Variants in ROBO1 observed in about 807,000 individuals in gnomAD.
The protein encoded by ROBO1 is roundabout guidance receptor 1, also known as roundabout homolog 1.
A neutral mutation model predicts 195.9 loss-of-function variants in ROBO1; 149 were observed. The observed-to-expected ratio is 0.76, with a 90% CI of 0.67 to 0.87. The LOEUF (loss-of-function observed/expected upper bound fraction) is 0.87, where lower values mean the gene tolerates loss of function less well. Ranked by LOEUF, ROBO1 falls within the 40% of genes least tolerant of loss-of-function variation. The pLI is 0.00. For synonymous variants in ROBO1, 816 were observed against 733.2 expected (o/e 1.11, Z -1.82); for missense variants, 1,933 against 2,068.3 (o/e 0.93, Z 1.27).
At chr3:79,687,938 C>T (rs187004652) in intron 1 of ROBO1, among the ~76,000 whole-genome samples, 2 of 152,016 alleles carry the variant, frequency 1.3e-5, no homozygotes, top group African/African-American at 4.8e-5. Context: ...TCTTGTGGCA[C>T]TATTCACAAT....
intron 2 of ROBO1, among the ~76,000 whole-genome samples, chr3:79,412,644 C>T (rs1022474731): frequency 2.6e-5 from 4 of 152,046 alleles, no homozygotes; most frequent in African/African-American, 9.7e-5. Flanking sequence ...GGTAAACAAT[C>T]ATCTTTCTTA....
intron 4 of ROBO1, among the ~76,000 whole-genome samples, chr3:78,887,611 T>A (rs1157347352): frequency 6.6e-6 from 1 of 152,124 alleles, no homozygotes; most frequent in East Asian, 1.9e-4. Flanking sequence ...TCTGTAAGTA[T>A]CCCTGGAGGA....
At chr3:79,289,217 T>G (rs1205864661) in intron 2 of ROBO1, among the ~76,000 whole-genome samples, 1 of 152,170 alleles carries the variant, frequency 6.6e-6, no homozygotes, top group South Asian at 2.1e-4. Flanking sequence ...AATCACACCA[T>G]TTGGTGACAG....
rs34515208 is a variant in ROBO1, at chr3:78,661,146, C to T, written c.2204G>A (p.Ser735Asn). ...VFEVRTPAKN[S>N]VVIPDLRKGV... The stretch of plus-strand genomic sequence containing the variant: ...CTTTCTGAGATCAGGGATTACCACA[C>T]TGTTTTTGGCTGGCGTCCTCACTTC... Residue 735 changes from serine (S) to asparagine (N), a missense_variant, in exon 16 of 31, where the codon AGT becomes AAT. Physicochemically the swap from Ser to Asn is conservative, Grantham distance 46. Around this residue, in one of 3 missense-constraint regions of ROBO1, gnomAD observed 1,737 missense variants for 1,882.5 expected, o/e 0.92. Coordinates refer to ENST00000464233, the MANE Select transcript of ROBO1 (RefSeq NM_002941.4). The T allele has an allele frequency of 3.4e-4, 542 of 1,613,752 alleles. 3 individuals are homozygous for T. In the African/African-American group the frequency reaches 6.2e-3, roughly 19 times the overall value.
At chr3:79,549,004 T>G (rs1385217380) in intron 2 of ROBO1, among the ~76,000 whole-genome samples, 1 of 152,174 alleles carries the variant, frequency 6.6e-6, no homozygotes, top group Non-Finnish European at 1.5e-5. Context: ...GTTTTTGTAC[T>G]CATTGCTAGT....
chr3:79,603,388 AC>A (rs1007377347), intron 1 of ROBO1, among the ~76,000 whole-genome samples: 2 of 151,182 alleles, frequency 1.3e-5, no homozygotes, highest in Non-Finnish European at 2.9e-5. Flanking sequence ...ACACAACAAT[AC>A]CCCCCACAGC....
chr3:78,885,195 G>A (rs1187002219), intron 4 of ROBO1, among the ~76,000 whole-genome samples: 5 of 151,812 alleles, frequency 3.3e-5, no homozygotes, highest in Non-Finnish European at 5.9e-5. Context: ...ACTTATAGGT[G>A]GAAACTAAAT....
intron 22 of ROBO1, among the ~76,000 whole-genome samples, chr3:78,638,722 A>T (rs1044240476): frequency 1.3e-5 from 2 of 151,898 alleles, no homozygotes; most frequent in African/African-American, 2.4e-5. Flanking sequence ...AAAATTTTTT[A>T]AATTAGCCAG....
At chr3:79,607,909 CATT>C (rs1944540129) in intron 1 of ROBO1, among the ~76,000 whole-genome samples, 1 of 152,004 alleles carries the variant, frequency 6.6e-6, no homozygotes, top group South Asian at 2.1e-4. Flanking sequence ...TATTTGCAGT[CATT>C]ATAGAAATGG....
At chr3:79,515,008 A>G (rs990679065) in intron 2 of ROBO1, among the ~76,000 whole-genome samples, 9 of 146,104 alleles carry the variant, frequency 6.2e-5, no homozygotes, top group African/African-American at 2.1e-4. Context: ...GGACACAATT[A>G]TACTATTTTT....
intron 3 of ROBO1, among the ~76,000 whole-genome samples, chr3:79,012,852 C>A (rs2077819682): frequency 6.6e-6 from 1 of 152,086 alleles, no homozygotes; most frequent in Non-Finnish European, 1.5e-5. Flanking sequence ...TACAGATCAT[C>A]TTTTTTTCTT....
At chr3:79,763,241 G>A (rs770305552) in intron 1 of ROBO1, among the ~76,000 whole-genome samples, 6 of 143,582 alleles carry the variant, frequency 4.2e-5, no homozygotes, top group Non-Finnish European at 7.6e-5. Flanking sequence ...GGTGACTATC[G>A]AGTGCGAAAA....
chr3:79,281,430 C>T (rs1176122471), intron 2 of ROBO1, among the ~76,000 whole-genome samples: 3 of 152,008 alleles, frequency 2.0e-5, no homozygotes, highest in African/African-American at 7.2e-5. Context: ...GATGGGAATA[C>T]TTTTTATCTT....
At chr3:79,411,022 A>G (rs1395481718) in intron 2 of ROBO1, among the ~76,000 whole-genome samples, 1 of 152,188 alleles carries the variant, frequency 6.6e-6, no homozygotes, top group African/African-American at 2.4e-5. Context: ...AACATTCAGC[A>G]ACATTTTAAA....
intron 2 of ROBO1, among the ~76,000 whole-genome samples, chr3:79,515,526 C>A (rs1036508147): frequency 3.3e-5 from 5 of 152,122 alleles, no homozygotes; most frequent in African/African-American, 1.2e-4. Context: ...GTTAACAATT[C>A]GTATCCTTAG....
intron 2 of ROBO1, among the ~76,000 whole-genome samples, chr3:79,343,191 G>A (rs766177153): frequency 4.6e-5 from 7 of 151,938 alleles, no homozygotes; most frequent in Non-Finnish European, 7.4e-5. Flanking sequence ...TTTCAGCATC[G>A]AATAATATTC....
In ROBO1 at chr3:78,798,088, A is replaced by G. The variant is rs536124393; in HGVS notation, c.500-51188T>C. Among the ~76,000 whole-genome samples, 4 of 152,336 alleles carry G rather than the reference A, an allele frequency of 2.6e-5. No individual in the cohort carries two copies. In the South Asian group the frequency reaches 6.2e-4, roughly 24 times the overall value. On this transcript the variant is annotated intron_variant, in intron 4 of 30. Coordinates refer to ENST00000464233, the MANE Select transcript of ROBO1 (RefSeq NM_002941.4). ...AGTATAAAGAAGATATTTTATTTAG[A>G]AAACACACTATAAAGTTCATATGGG...
chr3:79,242,388 T>C (rs1176041517), intron 2 of ROBO1, among the ~76,000 whole-genome samples: 1 of 152,180 alleles, frequency 6.6e-6, no homozygotes, highest in Non-Finnish European at 1.5e-5. Flanking sequence ...GCCTCCTATA[T>C]ATAATATTTG....
chr3:79,014,848 T>A (rs548623746), intron 3 of ROBO1, among the ~76,000 whole-genome samples: 6 of 152,348 alleles, frequency 3.9e-5, no homozygotes, highest in African/African-American at 1.4e-4. Context: ...CTTAACATCT[T>A]TTATTAACAC....
Sources: allele counts gnomAD v4.1 joint callset (sites outside exome capture counted in the v4.1 genomes callset), GRCh38; gene constraint gnomAD v4.1.1; regional missense constraint gnomAD v4.1.1; transcripts MANE v1.5; gene names NCBI Gene and HGNC (gene_info 2026-07-23, HGNC 2026-07-21).